Variants in IFT80 observed in about 807,000 individuals in gnomAD.
The protein encoded by IFT80 is intraflagellar transport 80, also known as intraflagellar transport protein 80 homolog.
Under a neutral mutation model 107.9 loss-of-function variants are expected in IFT80, and 79 were observed. The ratio of observed to expected loss-of-function variants is 0.73; its 90% CI spans 0.61 to 0.88. The LOEUF is 0.88. IFT80 is among the 40% of genes least tolerant of loss of function. The pLI is 0.00. For missense variants in IFT80, 797 were observed against 914.2 expected (o/e 0.87, Z 1.65); for synonymous variants, 299 against 300.9 (o/e 0.99, Z 0.07).
At chr3:160,387,320 G>A (rs1303125532) in intron 1 of IFT80, among the ~76,000 whole-genome samples, 8 of 152,138 alleles carry the variant, frequency 5.3e-5, no homozygotes, top group East Asian at 1.9e-4. Flanking sequence ...CCTGACCAAC[G>A]TGGTGAAACC....
In IFT80 at chr3:160,320,138, G is replaced by T. The variant is rs1435655698; in HGVS notation, c.778-199C>A. The T allele has an allele frequency of 1.1e-5, 6 of 543,472 alleles. No homozygotes were observed. The African/African-American group carries it at 1.1e-4, about 10-fold the overall frequency. The allele number at this position is 543,472 out of a possible 1,614,324, so 33.7% of individuals were successfully genotyped here. On this transcript the variant is annotated intron_variant, in intron 8 of 19. Transcript: ENST00000326448. ...GTTGAAGTCCACAGTAGAACATCAT[G>T]CTAAAACAGTGTATGAAATATCTCA... is the stretch of plus-strand genomic sequence containing the variant.
At chr3:160,355,882 A>T in intron 8 of IFT80, 131 bp downstream of exon 8, 2 of 1,124,742 alleles carry the variant, frequency 1.8e-6, no homozygotes, top group Non-Finnish European at 2.7e-6. Flanking sequence ...CCAGCATATT[A>T]AGAAGACAAA....
At chr3:160,386,441 G>A (rs1340370655) in intron 1 of IFT80, among the ~76,000 whole-genome samples, 1 of 152,174 alleles carries the variant, frequency 6.6e-6, no homozygotes, top group Non-Finnish European at 1.5e-5. Context: ...GTTGGGTTTA[G>A]ATAATAGAAA....
intron 8 of IFT80, among the ~76,000 whole-genome samples, chr3:160,328,087 C>T (rs1718806123): frequency 6.6e-6 from 1 of 152,090 alleles, no homozygotes. Context: ...TGAAAGCAAG[C>T]TCAACATCAC....
chr3:160,271,262 TA>T (rs1713784867), intron 18 of IFT80, among the ~76,000 whole-genome samples: 1 of 152,170 alleles, frequency 6.6e-6, no homozygotes, highest in African/African-American at 2.4e-5. Context: ...TCTCTAGTTT[TA>T]AAATGGTTAT....
At chr3:160,368,797 A>ATG (rs1722040394) in intron 5 of IFT80, among the ~76,000 whole-genome samples, 1 of 35,222 alleles carries the variant, frequency 2.8e-5, no homozygotes, top group African/African-American at 1.3e-4. Context: ...AAGTAAATTA[A>ATG]TGTTTTAATT....
At chr3:160,357,722 A>G (rs1240204544) in intron 6 of IFT80, 144 bp from the exon 7 acceptor site, 2 of 610,632 alleles carry the variant, frequency 3.3e-6, no homozygotes, top group Non-Finnish European at 2.9e-6. Flanking sequence ...CCAATGTACA[A>G]TACCTCATTT....
At chr3:160,397,909 C>CG (rs1713946214) in intron 1 of IFT80, among the ~76,000 whole-genome samples, 2 of 151,632 alleles carry the variant, frequency 1.3e-5, no homozygotes, top group Admixed American at 1.3e-4. Context: ...TTAGTAGAGA[C>CG]GGGGTTTGTC....
chr3:160,265,589 C>T (rs1184851491), intron 19 of IFT80, among the ~76,000 whole-genome samples: 1 of 152,052 alleles, frequency 6.6e-6, no homozygotes, highest in Non-Finnish European at 1.5e-5. Flanking sequence ...AGACCAAGTA[C>T]AATAACTCTA....
At chr3:160,381,266 T>TA (rs1712491300) in intron 3 of IFT80, among the ~76,000 whole-genome samples, 23 of 70,674 alleles carry the variant, frequency 3.3e-4, no homozygotes, top group Non-Finnish European at 4.4e-4. Context: ...ATATATATAT[T>TA]AAAGCCAAAG....
At chr3:160,275,462 C>A (rs987826841) in intron 18 of IFT80, among the ~76,000 whole-genome samples, 3 of 152,056 alleles carry the variant, frequency 2.0e-5, no homozygotes, top group Admixed American at 6.6e-5. Context: ...TTATCTTTCC[C>A]CTTATGGATT....
chr3:160,328,307 CA>C (rs1201912086), intron 8 of IFT80, among the ~76,000 whole-genome samples: 4 of 151,632 alleles, frequency 2.6e-5, no homozygotes, highest in African/African-American at 7.3e-5. Context: ...AATGAAAATA[CA>C]AAAATTAGCC....
At chr3:160,262,661 G>C (rs934953229) in intron 19 of IFT80, among the ~76,000 whole-genome samples, 1 of 152,052 alleles carries the variant, frequency 6.6e-6, no homozygotes, top group Non-Finnish European at 1.5e-5. Context: ...CTCTGGAGTC[G>C]TCCCTGAGCT....
chr3:160,332,854 C>T lies in IFT80; in HGVS notation c.778-12915G>A, dbSNP rs1393905982. 2.0e-5 allele frequency among the ~76,000 whole-genome samples: 3 copies of T among 151,960 alleles called. No homozygotes were observed. The East Asian group carries it at 5.8e-4, about 29-fold the overall frequency. ...ATCTTCTCATTACCTATTTGGTTAC[C>T]CTGGGGTATATATATCAAAGGCAGG... On this transcript the variant is annotated intron_variant, in intron 8 of 19. Coordinates refer to ENST00000326448, the MANE Select transcript of IFT80 (RefSeq NM_020800.3).
At chr3:160,306,270 A>G (rs768262635) in intron 10 of IFT80, among the ~76,000 whole-genome samples, 8 of 152,158 alleles carry the variant, frequency 5.3e-5, no homozygotes, top group Non-Finnish European at 5.9e-5. Flanking sequence ...AACTTCTCTA[A>G]TACATGTAAC....
chr3:160,360,548 T>A (rs1013009721), intron 6 of IFT80, among the ~76,000 whole-genome samples: 1 of 151,900 alleles, frequency 6.6e-6, no homozygotes, highest in African/African-American at 2.4e-5. Flanking sequence ...CCAAGACACA[T>A]AATTGTCAGA....
At chr3:160,265,995 G>A (rs1451357765) in intron 19 of IFT80, among the ~76,000 whole-genome samples, 1 of 151,972 alleles carries the variant, frequency 6.6e-6, no homozygotes, top group African/African-American at 2.4e-5. Context: ...TTTTCCCAGG[G>A]TTACATTTTA....
At chr3:160,350,039 T>A (rs1407711092) in intron 8 of IFT80, among the ~76,000 whole-genome samples, 1 of 152,136 alleles carries the variant, frequency 6.6e-6, no homozygotes, top group Non-Finnish European at 1.5e-5. Flanking sequence ...AATAACTGAG[T>A]GTATAATTAA....
intron 12 of IFT80, among the ~76,000 whole-genome samples, chr3:160,296,548 C>T (rs1316163575): frequency 1.3e-5 from 2 of 150,500 alleles, no homozygotes; most frequent in African/African-American, 4.9e-5. Context: ...AGCATATAAA[C>T]AACTCTGCTA....
Sources: allele counts gnomAD v4.1 joint callset (sites outside exome capture counted in the v4.1 genomes callset), GRCh38; gene constraint gnomAD v4.1.1; transcripts MANE v1.5; gene names NCBI Gene and HGNC (gene_info 2026-07-23, HGNC 2026-07-21).